CENPM: variants seen among roughly 807,000 people sequenced by gnomAD.
CENPM encodes centromere protein M.
A neutral mutation model predicts 19.6 loss-of-function variants in CENPM; 14 were observed. The ratio of observed to expected loss-of-function variants is 0.71; its 90% CI spans 0.47 to 1.11. The LOEUF is 1.11. CENPM is among the 50% of genes most tolerant of loss of function. The probability of loss-of-function intolerance (pLI) is 0.00; values close to 1 mark genes in which losing one functional copy is unlikely to be tolerated. For synonymous variants in CENPM, 114 were observed against 101.5 expected (o/e 1.12, Z -0.74); for missense variants, 239 against 228.4 (o/e 1.05, Z -0.30).
At chr22:41,930,013 C>G in the CENPM span, among the ~76,000 whole-genome samples, 4 of 144,790 alleles carry the variant, frequency 2.8e-5, no homozygotes, top group Non-Finnish European at 4.5e-5. Flanking sequence ...GCGCAATCTC[C>G]GCTCACTGCA....
chr22:41,935,485 ACT>A (rs2077679812), downstream of CENPM, among the ~76,000 whole-genome samples: 1 of 152,056 alleles, frequency 6.6e-6, no homozygotes, highest in African/African-American at 2.4e-5. Flanking sequence ...AGACAAGGTC[ACT>A]CTCTGGGAAG....
At chr22:41,931,971 T>C in the CENPM span, among the ~76,000 whole-genome samples, 6 of 152,218 alleles carry the variant, frequency 3.9e-5, no homozygotes, top group African/African-American at 1.4e-4. Flanking sequence ...AGTCTATGAG[T>C]GACAAAGGGC....
chr22:41,933,286 C>T, the CENPM span, among the ~76,000 whole-genome samples: 4 of 151,932 alleles, frequency 2.6e-5, no homozygotes, highest in African/African-American at 4.8e-5. Flanking sequence ...GCCCGCCAGG[C>T]AGCCCCTGAG....
chr22:41,940,159 C>G lies in CENPM; in HGVS notation c.403-963G>C, dbSNP rs369012458. ...CAGACCTTGAGCACACCAGGCAAGT[C>G]CCACACTCGGCCCATGCACTTGCTG... On this transcript the variant is annotated intron_variant, in intron 5 of 5. Transcript: ENST00000215980. 1.5e-4 allele frequency: 114 copies of G among 772,428 alleles called. No individual in the cohort carries two copies. The African/African-American group carries it at 1.8e-3, about 12-fold the overall frequency. The allele number at this position is 772,428 out of a possible 1,614,324, so 47.8% of individuals were successfully genotyped here.
downstream of CENPM, among the ~76,000 whole-genome samples, chr22:41,934,745 G>A (rs1287590034): frequency 1.3e-5 from 2 of 152,176 alleles, no homozygotes; most frequent in Admixed American, 1.3e-4. Context: ...TTAGCCTGGC[G>A]CCACGCTACA....
At chr22:41,936,984 G>A (rs962815453), downstream of CENPM, among the ~76,000 whole-genome samples, 3 of 152,128 alleles carry the variant, frequency 2.0e-5, no homozygotes, top group Non-Finnish European at 4.4e-5. Flanking sequence ...GTGCAGTGCT[G>A]CCCAGGGCTT....
At chr22:41,931,789 GCA>G in the CENPM span, among the ~76,000 whole-genome samples, 2 of 152,326 alleles carry the variant, frequency 1.3e-5, no homozygotes, top group Admixed American at 1.3e-4. Context: ...GATGGGACAA[GCA>G]CAGTGTCATG....
rs758807839 is a variant in CENPM, at chr22:41,945,981, C to T, written c.162G>A (p.Leu54=). The change falls in exon 3 of 6, where the codon TTG becomes TTA. Residue 54 remains leucine (L), a synonymous_variant. Coordinates refer to ENST00000215980, the MANE Select transcript of CENPM (RefSeq NM_024053.5). ...LKVHLAKSLP[L]PSSVNRPRID... Reference sequence around the variant, plus strand: ...TTCGGGGCCGATTCACACTGGAGGGCAAAGGGAGGGACTTTGCCAAGTGGC... The same window carrying T: ...TTCGGGGCCGATTCACACTGGAGGGTAAAGGGAGGGACTTTGCCAAGTGGC... 6.2e-7 allele frequency: 1 copy of T among 1,613,942 alleles called. No individual in the cohort carries two copies. The highest frequency in any genetic ancestry group is 1.1e-5 in the South Asian group (1 of 91,068).
chr22:41,946,773 T>A (rs1194345246), intron 1 of CENPM: 2 of 598,654 alleles, frequency 3.3e-6, no homozygotes, highest in Non-Finnish European at 6.0e-6. Context: ...GAAAACCAAT[T>A]CCAGGCGCGG....
chr22:41,942,939 A>G (rs1343348708), intron 5 of CENPM, among the ~76,000 whole-genome samples: 1 of 151,014 alleles, frequency 6.6e-6, no homozygotes, highest in African/African-American at 2.4e-5. Context: ...TATCTAAAAC[A>G]ATAACGACAA....
At chr22:41,937,241 T>C (rs1351870999), downstream of CENPM, among the ~76,000 whole-genome samples, 2 of 152,244 alleles carry the variant, frequency 1.3e-5, no homozygotes, top group Non-Finnish European at 2.9e-5. Flanking sequence ...TCTCACTTCT[T>C]GCAAACTTCT....
chr22:41,937,281 G>T (rs1285412144), downstream of CENPM, among the ~76,000 whole-genome samples: 1 of 152,194 alleles, frequency 6.6e-6, no homozygotes, highest in African/African-American at 2.4e-5. Context: ...ATTTGCACCA[G>T]TTTTTGAACT....
chr22:41,927,340 G>A, the CENPM span, among the ~76,000 whole-genome samples: 1 of 152,072 alleles, frequency 6.6e-6, no homozygotes, highest in Admixed American at 6.5e-5. Context: ...CTTGGGTAGG[G>A]AGGGGGATGG....
chr22:41,928,277 C>T, the CENPM span: 17 of 206,076 alleles, frequency 8.2e-5, no homozygotes, highest in Admixed American at 2.8e-4. The surrounding 1 kb of genome is among the most constrained non-coding windows in gnomAD (Gnocchi z 4.0). Context: ...TGTCTCACTG[C>T]GGGCCCCTCC....
At chr22:41,931,967 T>C in the CENPM span, among the ~76,000 whole-genome samples, 5 of 152,260 alleles carry the variant, frequency 3.3e-5, no homozygotes, top group Non-Finnish European at 2.9e-5. Context: ...CAGAAGTCTA[T>C]GAGTGACAAA....
downstream of CENPM, among the ~76,000 whole-genome samples, chr22:41,936,005 G>A (rs2077682047): frequency 1.3e-5 from 2 of 152,106 alleles, no homozygotes; most frequent in South Asian, 2.1e-4. Flanking sequence ...CAAGTAGCTG[G>A]GATTACAGGC....
intron 5 of CENPM, among the ~76,000 whole-genome samples, chr22:41,939,844 G>GAAGAA (rs1602385468): frequency 1.4e-4 from 9 of 65,738 alleles, no homozygotes; most frequent in African/African-American, 7.3e-4. Context: ...GAAAGAAAAA[G>GAAGAA]AAAGAAAGAA....
At position 41,943,591 on chromosome 22, in the gene CENPM, C is replaced by CTT; in HGVS notation, c.402+18_402+19insAA. The stretch of plus-strand genomic sequence containing the variant: ...CCGCACCCGAGTATAGTGTTGGTCT[C>CTT]TGTGATCAGCATGCTCACCTCCAGG... On this transcript the variant is annotated intron_variant, in intron 5 of 5. Transcript: ENST00000215980. 1.9e-6 allele frequency: 3 copies of CTT among 1,608,332 alleles called. No individual in the cohort carries two copies. The highest frequency in any genetic ancestry group is 2.6e-6 in the Non-Finnish European group (3 of 1,175,586).
In CENPM at chr22:41,946,414, T is replaced by A; in HGVS notation, c.137+3A>T. ...GGCCCAGGCCACAGCCGCGGCTACT[T>A]ACACCTTCAGCTCGGAGGCGCAGTC... On this transcript the variant is annotated splice_donor_region_variant and intron_variant, in intron 2 of 5. Coordinates refer to ENST00000215980, the MANE Select transcript of CENPM (RefSeq NM_024053.5). The A allele has an allele frequency of 6.2e-7, 1 of 1,612,694 alleles. No individual in the cohort carries two copies. The highest frequency in any genetic ancestry group is 8.5e-7 in the Non-Finnish European group (1 of 1,179,688).
Sources: gnomAD v4.1 joint callset for allele counts (sites outside exome capture counted in the v4.1 genomes callset) on GRCh38, gnomAD v4.1.1 for gene constraint, Gnocchi (gnomAD v3.1) non-coding constraint, MANE v1.5 for transcripts, NCBI Gene and HGNC (gene_info 2026-07-23, HGNC 2026-07-21) for gene names.